BBS9: variants seen among roughly 807,000 people sequenced by gnomAD.
BBS9 encodes protein PTHB1.
Under a neutral mutation model 117.7 loss-of-function variants are expected in BBS9, and 89 were observed. The ratio of observed to expected loss-of-function variants is 0.76; its 90% CI spans 0.64 to 0.90. The LOEUF is 0.90. Ranked by LOEUF, BBS9 falls within the 40% of genes least tolerant of loss-of-function variation. The pLI, the probability that BBS9 is intolerant of heterozygous loss-of-function variation, is 0.00. For missense variants in BBS9, 982 were observed against 1,042.2 expected (o/e 0.94, Z 0.80); for synonymous variants, 379 against 370.9 (o/e 1.02, Z -0.25).
intron 21 of BBS9, among the ~76,000 whole-genome samples, chr7:33,569,133 A>G (rs1444644188): frequency 2.0e-5 from 3 of 152,170 alleles, no homozygotes; most frequent in Non-Finnish European, 4.4e-5. Flanking sequence ...TATTGATAAC[A>G]TATTTACACT....
rs187263976 is a variant in BBS9 at position 33,486,806 on chromosome 7, G to T, written c.2116-18657G>T. Among the ~76,000 whole-genome samples the T allele has an allele frequency of 2.5e-3, 381 of 152,318 alleles. 1 individual carries two copies. Among genetic ancestry groups the T allele is most frequent in the African/African-American group, 8.6e-3 (357 of 41,566 alleles). ...TAGAGGTGACCCTGGTAGCCATTCAGGTGAAAAGGGGAATTCTCAGGGGAA... is the reference window on the plus strand; with the variant it reads ...TAGAGGTGACCCTGGTAGCCATTCATGTGAAAAGGGGAATTCTCAGGGGAA... On this transcript the variant is annotated intron_variant, in intron 19 of 22. Coordinates refer to ENST00000242067, the MANE Select transcript of BBS9 (RefSeq NM_198428.3).
chr7:33,543,728 G>A (rs1852792548), intron 21 of BBS9, among the ~76,000 whole-genome samples: 1 of 152,124 alleles, frequency 6.6e-6, no homozygotes, highest in South Asian at 2.1e-4. Context: ...TGAACTTCTT[G>A]TATTTGGTCT....
chr7:33,500,474 T>C (rs1198637980), intron 19 of BBS9, among the ~76,000 whole-genome samples: 1 of 152,208 alleles, frequency 6.6e-6, no homozygotes, highest in Non-Finnish European at 1.5e-5. Flanking sequence ...TTCAGATGCC[T>C]GTAAGCTTCT....
intron 17 of BBS9, among the ~76,000 whole-genome samples, chr7:33,382,672 A>G (rs1158662328): frequency 6.6e-6 from 1 of 152,152 alleles, no homozygotes; most frequent in Non-Finnish European, 1.5e-5. Flanking sequence ...CTAACTGGCT[A>G]GTAACACTAT....
intron 5 of BBS9, among the ~76,000 whole-genome samples, chr7:33,237,205 T>C (rs2128276014): frequency 6.6e-6 from 1 of 152,334 alleles, no homozygotes; most frequent in South Asian, 2.1e-4. Flanking sequence ...TCAATGCGTT[T>C]ATAAACATAT....
intron 12 of BBS9, among the ~76,000 whole-genome samples, chr7:33,345,829 A>G (rs2128650629): frequency 6.6e-6 from 1 of 152,320 alleles, no homozygotes; most frequent in East Asian, 1.9e-4. Flanking sequence ...TTAGGAGTGC[A>G]CTGTTAATTG....
intron 12 of BBS9, chr7:33,346,228 A>C (rs1457601280): frequency 4.3e-6 from 2 of 469,116 alleles, no homozygotes; most frequent in East Asian, 1.4e-4. Context: ...TAACAACAGC[A>C]GCCAAGATAT....
At chr7:33,387,663 A>AGTG (rs1826269113) in intron 18 of BBS9, among the ~76,000 whole-genome samples, 1 of 152,080 alleles carries the variant, frequency 6.6e-6, no homozygotes, top group Non-Finnish European at 1.5e-5. Flanking sequence ...TAAACTTTTA[A>AGTG]TCTCTGCATT....
In BBS9 at chr7:33,383,031, C is replaced by T. The variant is rs1400941218; in HGVS notation, c.1790-635C>T. Among the ~76,000 whole-genome samples, 3 of 152,228 alleles carry T rather than the reference C, an allele frequency of 2.0e-5. No individual in the cohort carries two copies. The East Asian group carries it at 5.8e-4, about 29-fold the overall frequency. On this transcript the variant is annotated intron_variant, in intron 17 of 22. Coordinates refer to ENST00000242067, the MANE Select transcript of BBS9 (RefSeq NM_198428.3). ...TAGGTGTTATTACCACCTCTCTTAC[C>T]ATCATTGTCACCATTGTTGTCATCA... is the stretch of plus-strand genomic sequence containing the variant.
rs1425841550 is a variant in BBS9 at position 33,305,574 on chromosome 7, T to G, written c.1017-30867T>G. ...TACTAGAAAACTTTTTATTACAGCT[T>G]TCATCTCGTTACTCGATATTGATAT... On this transcript the variant is annotated intron_variant, in intron 9 of 22. Transcript: ENST00000242067. 2.6e-5 allele frequency among the ~76,000 whole-genome samples: 4 copies of G among 152,176 alleles called. No homozygotes were observed. The East Asian group carries it at 5.8e-4, about 22-fold the overall frequency.
At chr7:33,355,850 G>A (rs981438010) in intron 15 of BBS9, among the ~76,000 whole-genome samples, 2 of 151,738 alleles carry the variant, frequency 1.3e-5, no homozygotes, top group African/African-American at 4.8e-5. Context: ...AAATATATAG[G>A]CTCAGTCACT....
intron 21 of BBS9, among the ~76,000 whole-genome samples, chr7:33,582,976 A>G (rs965571): frequency 6.6e-6 from 1 of 151,958 alleles, no homozygotes; most frequent in Non-Finnish European, 1.5e-5. Context: ...GGGAGCCTGT[A>G]CTTTCTCCTG....
At chr7:33,482,740 T>C (rs1842658672) in intron 19 of BBS9, among the ~76,000 whole-genome samples, 1 of 152,212 alleles carries the variant, frequency 6.6e-6, no homozygotes. Context: ...TTCTATAGAC[T>C]GGCAGAAATG....
At chr7:33,393,010 T>G (rs564037449) in intron 19 of BBS9, among the ~76,000 whole-genome samples, 1 of 151,900 alleles carries the variant, frequency 6.6e-6, no homozygotes, top group South Asian at 2.1e-4. Context: ...TACATAAAAT[T>G]TGAAAATTAG....
chr7:33,168,466 G>A (rs964087583), intron 4 of BBS9, among the ~76,000 whole-genome samples: 8 of 151,794 alleles, frequency 5.3e-5, no homozygotes, highest in South Asian at 2.1e-4. Flanking sequence ...TTTACTCAAC[G>A]CATAAATGAA....
At chr7:33,379,143 A>G (rs1237861287) in intron 17 of BBS9, among the ~76,000 whole-genome samples, 1 of 152,222 alleles carries the variant, frequency 6.6e-6, no homozygotes, top group Admixed American at 6.5e-5. Context: ...TGTTTTATAA[A>G]CACATTTCTG....
At chr7:33,576,975 A>G (rs1216571348) in intron 21 of BBS9, among the ~76,000 whole-genome samples, 2 of 152,334 alleles carry the variant, frequency 1.3e-5, no homozygotes, top group African/African-American at 2.4e-5. Context: ...AGGCAATACC[A>G]TTCAGGACAT....
intron 5 of BBS9, among the ~76,000 whole-genome samples, chr7:33,219,462 C>A (rs138652809): frequency 1.3e-5 from 2 of 152,178 alleles, no homozygotes; most frequent in Admixed American, 1.3e-4. Flanking sequence ...ATGTGGAGAA[C>A]CTTTATGTCT....
chr7:33,499,655 T>C (rs1845182875), intron 19 of BBS9, among the ~76,000 whole-genome samples: 1 of 152,236 alleles, frequency 6.6e-6, no homozygotes, highest in African/African-American at 2.4e-5. Flanking sequence ...CAGTGCTTCA[T>C]AGTGACGTTT....
Sources: gnomAD v4.1 joint callset for allele counts (sites outside exome capture counted in the v4.1 genomes callset) on GRCh38, gnomAD v4.1.1 for gene constraint, MANE v1.5 for transcripts, NCBI Gene and HGNC (gene_info 2026-07-23, HGNC 2026-07-21) for gene names.